The following TRIM66 variants were observed in gnomAD, a reference collection of about 807,000 sequenced individuals.
TRIM66 encodes the protein tripartite motif containing 66, also known as tripartite motif-containing protein 66.
Under a neutral mutation model 148.2 loss-of-function variants are expected in TRIM66, and 99 were observed. That is an observed-to-expected ratio of 0.67 (90% CI 0.57 to 0.79). The LOEUF is 0.79. Among genes scored for constraint, TRIM66 ranks in the 30% least tolerant of loss-of-function variants. The probability of loss-of-function intolerance (pLI) is 0.00; values close to 1 mark genes in which losing one functional copy is unlikely to be tolerated. For synonymous variants in TRIM66, 616 were observed against 635.9 expected (o/e 0.97, Z 0.47); for missense variants, 1,666 against 1,697.9 (o/e 0.98, Z 0.33).
chr11:8,656,935 C>G (rs565365522), intron 6 of TRIM66, among the ~76,000 whole-genome samples: 10 of 152,230 alleles, frequency 6.6e-5, no homozygotes, highest in Admixed American at 1.3e-4. Context: ...TGGCACTGAG[C>G]TGGGAGCCAG....
At position 8,638,759 on chromosome 11, in the gene TRIM66, C is replaced by A. The variant is rs1417794446; in HGVS notation, c.2205G>T (p.Lys735Asn). ...CCTGGGGCAAGGCAGCAGCAGTATT[C>A]TTGTCAAGAGGGAGAGCCGGCTTTG... is the stretch of plus-strand genomic sequence containing the variant. ...QGSKPALPLD[K>N]NTAAALPQAS... The change falls in exon 15 of 25, where the codon AAG (lysine) becomes AAT (asparagine). Residue 735 changes from lysine to asparagine, a missense_variant. Transcript: ENST00000646038. 1.9e-6 allele frequency: 3 copies of A among 1,551,122 alleles called. No individual in the cohort carries two copies. The highest frequency in any genetic ancestry group is 2.6e-6 in the Non-Finnish European group (3 of 1,146,806).
At chr11:8,653,809 G>A (rs961225144) in intron 6 of TRIM66, among the ~76,000 whole-genome samples, 4 of 151,240 alleles carry the variant, frequency 2.6e-5, no homozygotes, top group African/African-American at 9.7e-5. Context: ...GAAAAGAAAA[G>A]AAAAGAAAAA....
intron 1 of TRIM66, 98 bp downstream of exon 1, chr11:8,682,503 G>A (rs556543152): frequency 8.3e-6 from 4 of 482,310 alleles, no homozygotes; most frequent in Admixed American, 4.0e-5. Context: ...CCAGAAAAGG[G>A]CCTGGCTCAA....
At position 8,651,882 on chromosome 11, in the gene TRIM66, C is replaced by T; in HGVS notation, c.362G>A (p.Cys121Tyr). 1 of 1,551,650 alleles carries T rather than the reference C, an allele frequency of 6.4e-7. No individual in the cohort carries two copies. The highest frequency in any genetic ancestry group is 2.0e-5 in the Admixed American group (1 of 51,008). Residue 121 changes from cysteine (C) to tyrosine (Y), a missense_variant, in exon 7 of 25, where the codon TGT becomes TAT. Physicochemically the swap from Cys to Tyr is radical, Grantham distance 194 (BLOSUM62 -2). Coordinates refer to ENST00000646038, the MANE Select transcript of TRIM66 (RefSeq NM_001388022.1). ...VADELISCPG[C>Y]ERVYLTRDVT... is the part of the protein sequence containing the mutation. ...ATCCCTGGTAAGATATACTCGTTCACACCCAGGACAGGAGATGAGCTCTGT... is the reference window on the plus strand; with the variant it reads ...ATCCCTGGTAAGATATACTCGTTCATACCCAGGACAGGAGATGAGCTCTGT...
intron 6 of TRIM66, among the ~76,000 whole-genome samples, chr11:8,656,676 C>T (rs1263234488): frequency 2.0e-5 from 3 of 152,198 alleles, no homozygotes; most frequent in Non-Finnish European, 2.9e-5. Context: ...ATTCCCCAGG[C>T]GAATACAATG....
At chr11:8,619,602 G>C in intron 22 of TRIM66, 67 bp from the exon 23 acceptor site, 1 of 1,377,346 alleles carries the variant, frequency 7.3e-7, no homozygotes, top group Non-Finnish European at 9.6e-7. Flanking sequence ...GTGTGGATAA[G>C]AAGGAAGAAG....
At chr11:8,668,405 C>T (rs1467188804) in intron 6 of TRIM66, among the ~76,000 whole-genome samples, 1 of 151,402 alleles carries the variant, frequency 6.6e-6, no homozygotes, top group Non-Finnish European at 1.5e-5. Flanking sequence ...CTGAGTAGTT[C>T]TTCTGCTTCA....
At chr11:8,644,099 T>C (rs913440133) in intron 12 of TRIM66, among the ~76,000 whole-genome samples, 14 of 152,194 alleles carry the variant, frequency 9.2e-5, no homozygotes, top group African/African-American at 3.4e-4. Flanking sequence ...TCATAACAAG[T>C]TCATGCTCTT....
intron 15 of TRIM66, among the ~76,000 whole-genome samples, chr11:8,636,815 C>T (rs115050548): frequency 0.018 from 2,747 of 152,220 alleles, 86 homozygotes; most frequent in African/African-American, 0.061. Flanking sequence ...CCTTCACTTA[C>T]TCCTCACATC....
At position 8,617,640 on chromosome 11, in the gene TRIM66, A is replaced by G. The variant is rs930712759; in HGVS notation, c.*304T>C. 36 of 371,934 alleles carry G rather than the reference A, an allele frequency of 9.7e-5. No homozygotes were observed. The highest frequency in any genetic ancestry group is 3.7e-4 in the Admixed American group (9 of 24,042). The allele number at this position is 371,934 out of a possible 1,614,324, so 23.0% of individuals were successfully genotyped here. A position where few individuals can be genotyped will look rare whatever the true frequency, so the allele number is the denominator to read the frequency against. On this transcript the variant is annotated 3_prime_UTR_variant, in exon 25 of 25. Coordinates refer to ENST00000646038, the MANE Select transcript of TRIM66 (RefSeq NM_001388022.1). The stretch of plus-strand genomic sequence containing the variant: ...TTTCCCAGGCAGAAAAAAATTCACC[A>G]AGGAAAGTAGGTTTTCCCGAGCCTA...
At position 8,646,485 on chromosome 11, in the gene TRIM66, G is replaced by C; in HGVS notation, c.919C>G (p.Leu307Val). ...KMAKMVLMNE[L>V]NKQANGLIEE... ...ATTAGCCCATTGGCCTGTTTGTTCA[G>C]CTCATTCATCAGAACCATCTTGGCC... The change falls in exon 11 of 25, where the codon CTG becomes GTG. Residue 307 changes from leucine (L) to valine (V), a missense_variant. Coordinates refer to ENST00000646038, the MANE Select transcript of TRIM66 (RefSeq NM_001388022.1). The C allele has an allele frequency of 6.4e-7, 1 of 1,552,180 alleles. No individual in the cohort carries two copies. The highest frequency in any genetic ancestry group is 1.2e-5 in the South Asian group (1 of 84,062).
rs1215894123 is a variant in TRIM66 at position 8,625,077 on chromosome 11, G to A, written c.2462C>T (p.Ala821Val). Residue 821 changes from alanine to valine, a missense_variant, in exon 16 of 25, where the codon GCT (alanine) becomes GTT (valine). By Grantham distance (64) the Ala-to-Val change is moderately conservative (BLOSUM62 0). Coordinates refer to ENST00000646038, the MANE Select transcript of TRIM66 (RefSeq NM_001388022.1). ...CAGGCTGGACACCATTTTGGGGGGA[G>A]CACTCAGCAGGCTTGGTACTGCCTG... ...APQAVPSLLS[A>V]PPKMVSSLTS... is the part of the protein sequence containing the mutation. 5.8e-6 allele frequency: 9 copies of A among 1,551,612 alleles called. No homozygotes were observed. The highest frequency in any genetic ancestry group is 7.0e-6 in the Non-Finnish European group (8 of 1,147,020).
At position 8,640,719 on chromosome 11, in the gene TRIM66, A is replaced by T; in HGVS notation, c.1656T>A (p.Thr552=). 6.4e-7 allele frequency: 1 copy of T among 1,551,506 alleles called. No homozygotes were observed. The highest frequency in any genetic ancestry group is 1.2e-5 in the South Asian group (1 of 84,046). Residue 552 remains threonine (T), a synonymous_variant, in exon 14 of 25, where the codon ACT becomes ACA. Coordinates refer to ENST00000646038, the MANE Select transcript of TRIM66 (RefSeq NM_001388022.1). ...STSQRLGQQL[T]SQPVCIVPPQ... is the part of the protein sequence containing the mutation. The stretch of plus-strand genomic sequence containing the variant: ...GGGGGACAATGCACACGGGCTGGGA[A>T]GTCAGCTGCTGCCCCAGCCGCTGGG...
intron 3 of TRIM66, among the ~76,000 whole-genome samples, chr11:8,677,112 A>G (rs188013262): frequency 6.6e-6 from 1 of 152,338 alleles, no homozygotes; most frequent in Admixed American, 6.5e-5. Context: ...CACATTGGGA[A>G]TAAGAATTTC....
At chr11:8,651,719 T>C (rs2037375063) in intron 7 of TRIM66, 81 bp downstream of exon 7, 2 of 1,066,564 alleles carry the variant, frequency 1.9e-6, no homozygotes, top group Non-Finnish European at 1.4e-6. Flanking sequence ...GATAGAGTGA[T>C]GGATGGATAG....
intron 15 of TRIM66, among the ~76,000 whole-genome samples, chr11:8,637,921 C>T (rs1254161131): frequency 6.6e-6 from 1 of 152,110 alleles, no homozygotes; most frequent in South Asian, 2.1e-4. Context: ...GGTGAAGGGG[C>T]AGAGGTGAGA....
chr11:8,618,691 G>A, intron 24 of TRIM66, 59 bp downstream of exon 24: 1 of 1,460,334 alleles, frequency 6.8e-7, no homozygotes, highest in African/African-American at 1.4e-5. Flanking sequence ...TTCTGCTTGG[G>A]TGCCCCTCTG....
chr11:8,666,063 G>A (rs910900037), intron 6 of TRIM66, among the ~76,000 whole-genome samples: 52 of 152,042 alleles, frequency 3.4e-4, no homozygotes, highest in African/African-American at 1.2e-3. Flanking sequence ...GAAGCTGGGC[G>A]CAGTGGCTCA....
chr11:8,642,960 G>A (rs1039591742), intron 13 of TRIM66, 49 bp downstream of exon 13: 1 of 1,336,998 alleles, frequency 7.5e-7, no homozygotes, highest in African/African-American at 1.5e-5. Context: ...AAGCAATTAA[G>A]TCAAAGCCCA....
Sources: gnomAD v4.1 joint callset for allele counts (sites outside exome capture counted in the v4.1 genomes callset) on GRCh38, gnomAD v4.1.1 for gene constraint, MANE v1.5 for transcripts, NCBI Gene and HGNC (gene_info 2026-07-23, HGNC 2026-07-21) for gene names.